Variants in BPI observed in about 807,000 individuals in gnomAD.
BPI encodes the protein bactericidal permeability-increasing protein.
In BPI, 48 loss-of-function variants were observed where a neutral mutation model predicts 57.6. The observed-to-expected ratio is 0.83, with a 90% CI of 0.66 to 1.06. The LOEUF (loss-of-function observed/expected upper bound fraction) is 1.06, where lower values mean the gene tolerates loss of function less well. Among genes scored for constraint, BPI ranks in the 50% least tolerant of loss-of-function variants. The pLI is 0.00. For synonymous variants in BPI, 237 were observed against 238.2 expected (o/e 0.99, Z 0.05); for missense variants, 651 against 609.7 (o/e 1.07, Z -0.71).
chr20:38,336,668 G>T (rs2076768948), intron 14 of BPI, among the ~76,000 whole-genome samples: 1 of 152,124 alleles, frequency 6.6e-6, no homozygotes, highest in African/African-American at 2.4e-5. Context: ...CTGAGAGACT[G>T]TAGAAAAATA....
Position 38,304,170 on chromosome 20 carries a change from T to A in BPI, c.-54T>A. On this transcript the variant is annotated 5_prime_UTR_variant, in exon 1 of 15. Transcript: ENST00000642449. ...CCCAGCCGACTCTTTTATAGCTCCC[T>A]GGTTCAACCTCAAGGCCTTGAGGTT... 6.2e-7 allele frequency: 1 copy of A among 1,610,472 alleles called. No homozygotes were observed. Among genetic ancestry groups the A allele is most frequent in the Non-Finnish European group, 8.5e-7 (1 of 1,177,582 alleles).
intron 1 of BPI, 64 bp from the exon 2 acceptor site, chr20:38,307,503 C>T (rs2122491636): frequency 2.4e-6 from 3 of 1,235,892 alleles, no homozygotes; most frequent in Admixed American, 2.4e-5. Flanking sequence ...CAGAGCCTGC[C>T]CTGCCCCTCT....
chr20:38,305,046 C>T (rs768008128), intron 1 of BPI, among the ~76,000 whole-genome samples: 21 of 152,230 alleles, frequency 1.4e-4, no homozygotes, highest in Non-Finnish European at 2.9e-4. Flanking sequence ...CGGGGTTGCT[C>T]GATGCTGCCT....
chr20:38,304,787 C>T (rs190752965), intron 1 of BPI, among the ~76,000 whole-genome samples: 5 of 152,312 alleles, frequency 3.3e-5, no homozygotes, highest in South Asian at 2.1e-4. Flanking sequence ...CAGGGGCTGG[C>T]GGCCATACTG....
chr20:38,315,036 T>C (rs76527053), intron 5 of BPI, among the ~76,000 whole-genome samples: 1,927 of 152,186 alleles, frequency 0.013, 39 homozygotes, highest in African/African-American at 0.045. Flanking sequence ...GGTGATGATG[T>C]TGGCCCATAT....
intron 2 of BPI, among the ~76,000 whole-genome samples, chr20:38,308,463 T>C (rs1483976206): frequency 6.6e-6 from 1 of 152,188 alleles, no homozygotes; most frequent in East Asian, 1.9e-4. Flanking sequence ...TATACACCCA[T>C]TCATTCACAG....
chr20:38,324,310 A>G (rs2076701427), intron 8 of BPI, among the ~76,000 whole-genome samples: 2 of 152,238 alleles, frequency 1.3e-5, no homozygotes, highest in African/African-American at 4.8e-5. Flanking sequence ...TGAGGATTCA[A>G]TGAGATAGTA....
rs1275495402 is a variant in BPI, at chr20:38,334,502, C to A, written c.1336+9C>A. ...GCTGCCCAGGGTTAACGGTAAGGAA[C>A]TTTGAAGAAACCATTCATTTTCAGT... On this transcript the variant is annotated intron_variant, in intron 13 of 14. Transcript: ENST00000642449. 2.6e-5 allele frequency: 42 copies of A among 1,610,722 alleles called. No individual in the cohort carries two copies. Among genetic ancestry groups the A allele is most frequent in the Non-Finnish European group, 3.6e-5 (42 of 1,177,034 alleles).
intron 5 of BPI, chr20:38,317,748 A>G (rs929578320): frequency 1.7e-6 from 2 of 1,210,788 alleles, no homozygotes; most frequent in Non-Finnish European, 2.4e-6. Flanking sequence ...GTAATTTGCC[A>G]TGTTCCGTTT....
chr20:38,329,709 C>T (rs1193739843), intron 11 of BPI, among the ~76,000 whole-genome samples: 1 of 151,874 alleles, frequency 6.6e-6, no homozygotes, highest in Non-Finnish European at 1.5e-5. Flanking sequence ...CGAAACCCTG[C>T]TTTATTTTAT....
At chr20:38,332,915 T>G (rs2076749351) in intron 12 of BPI, among the ~76,000 whole-genome samples, 1 of 152,100 alleles carries the variant, frequency 6.6e-6, no homozygotes, top group South Asian at 2.1e-4. Context: ...AGTCTGCTGA[T>G]CCTGTCCAGC....
chr20:38,308,372 C>T (rs527887005), intron 2 of BPI, among the ~76,000 whole-genome samples: 14 of 152,160 alleles, frequency 9.2e-5, no homozygotes, highest in Non-Finnish European at 1.6e-4. Context: ...AGGGGCTTCC[C>T]CTAAATAATC....
intron 11 of BPI, among the ~76,000 whole-genome samples, chr20:38,328,486 G>T (rs972871429): frequency 1.3e-5 from 2 of 152,046 alleles, no homozygotes; most frequent in African/African-American, 2.4e-5. Flanking sequence ...GGAGGTGGAG[G>T]TTGCAGTGAG....
Position 38,335,677 on chromosome 20 carries a change from G to A in BPI, c.1413+3G>A, listed in dbSNP as rs201259071. 7 of 1,613,776 alleles carry A rather than the reference G, an allele frequency of 4.3e-6. No homozygotes were observed. The highest frequency in any genetic ancestry group is 1.3e-5 in the African/African-American group (1 of 75,020). On this transcript the variant is annotated splice_donor_region_variant and intron_variant, in intron 14 of 14. Coordinates refer to ENST00000642449, the MANE Select transcript of BPI (RefSeq NM_001725.3). ...ACGTAGTGCTTCAGCCTCACCAGGT[G>A]AGTCCCGGAGTCTTTTCCACAAATC... is the stretch of plus-strand genomic sequence containing the variant.
intron 2 of BPI, among the ~76,000 whole-genome samples, 186 bp from the exon 3 acceptor site, chr20:38,308,744 A>T (rs1223060705): frequency 6.6e-6 from 1 of 152,104 alleles, no homozygotes; most frequent in Non-Finnish European, 1.5e-5. Flanking sequence ...TGACTTCAAA[A>T]CCTAAGCCAC....
At chr20:38,334,376 C>T in intron 12 of BPI, 54 bp from the exon 13 acceptor site, 1 of 1,536,716 alleles carries the variant, frequency 6.5e-7, no homozygotes, top group Non-Finnish European at 9.0e-7. Context: ...ACTGCTGGAC[C>T]CGCAAGGTTC....
intron 4 of BPI, among the ~76,000 whole-genome samples, chr20:38,311,350 C>T (rs2122501044): frequency 6.6e-6 from 1 of 152,304 alleles, no homozygotes; most frequent in Admixed American, 6.5e-5. Context: ...ATGGCCCACA[C>T]AGAATTACAA....
chr20:38,325,966 G>A (rs748012404), intron 9 of BPI, among the ~76,000 whole-genome samples: 22 of 151,960 alleles, frequency 1.4e-4, no homozygotes, highest in Admixed American at 5.9e-4. Flanking sequence ...AGAAGAATGC[G>A]AGGAAAAGTA....
rs577736678 is a variant in BPI at position 38,318,894 on chromosome 20, C to T, written c.664+418C>T. 7.2e-5 allele frequency among the ~76,000 whole-genome samples: 11 copies of T among 152,246 alleles called. No homozygotes were observed. The South Asian group carries it at 1.7e-3, about 23-fold the overall frequency. On this transcript the variant is annotated intron_variant, in intron 6 of 14. Transcript: ENST00000642449. ...TGTGGCAGGCACTCAGGAAATTGTCCGCTCTCAGCCTCCCAACACTCCCCT... is the reference window on the plus strand; with the variant it reads ...TGTGGCAGGCACTCAGGAAATTGTCTGCTCTCAGCCTCCCAACACTCCCCT...
Sources: allele counts gnomAD v4.1 joint callset (sites outside exome capture counted in the v4.1 genomes callset), GRCh38; gene constraint gnomAD v4.1.1; transcripts MANE v1.5; gene names NCBI Gene and HGNC (gene_info 2026-07-23, HGNC 2026-07-21).